The following XKR9 variants were observed in gnomAD, a reference collection of about 807,000 sequenced individuals.
The protein encoded by XKR9 is XK-related protein 9.
In XKR9, 32 loss-of-function variants were observed where a neutral mutation model predicts 32.0. The observed-to-expected ratio is 1.00, with a 90% CI of 0.76 to 1.34. XKR9 has a LOEUF of 1.34. Ranked by LOEUF, XKR9 falls within the 40% of genes most tolerant of loss-of-function variation. XKR9 has a pLI of 0.00. For synonymous variants in XKR9, 168 were observed against 143.4 expected, an observed-to-expected ratio of 1.17 and a Z score of -1.22; for missense variants, 546 against 429.7, an observed-to-expected ratio of 1.27 and a Z score of -2.39.
chr8:70,856,831 G>A, the XKR9 span, among the ~76,000 whole-genome samples: 66 of 152,202 alleles, frequency 4.3e-4, 1 homozygote, highest in South Asian at 9.3e-3. Context: ...ACTCAAAGCC[G>A]CTCAACTACA....
At position 70,733,819 on chromosome 8, in the gene XKR9, TG is replaced by T. The variant is rs751768076; in HGVS notation, c.518del (p.Cys173LeufsTer12). 6.3e-7 allele frequency: 1 copy of T among 1,583,876 alleles called. No homozygotes were observed. Among genetic ancestry groups the T allele is most frequent in the East Asian group, 2.2e-5 (1 of 44,622 alleles). On this transcript the variant is annotated frameshift_variant, in exon 5 of 5. Coordinates refer to ENST00000408926, the MANE Select transcript of XKR9 (RefSeq NM_001011720.2). LOFTEE classifies it high-confidence loss of function. ...AGATGCGGCCATCATGGTCTCTTGC[TG>T]TGCTATTTCTTGGTCAACTGTTGAT... ...SQYAAIMVSC[C>X]AISWSTVDYQ...
downstream of XKR9, among the ~76,000 whole-genome samples, chr8:70,793,827 G>A (rs1807795432): frequency 6.6e-6 from 1 of 151,192 alleles, no homozygotes; most frequent in African/African-American, 2.4e-5. Context: ...AGATTTCTTT[G>A]CCTGTTTTGG....
intron 2 of XKR9, among the ~76,000 whole-genome samples, chr8:70,764,754 C>T (rs1020127489): frequency 2.6e-5 from 4 of 152,034 alleles, no homozygotes; most frequent in African/African-American, 9.7e-5. Context: ...CTCCCACCCC[C>T]TGACAGGCCC....
chr8:70,844,117 G>A, the XKR9 span, among the ~76,000 whole-genome samples: 2 of 152,186 alleles, frequency 1.3e-5, no homozygotes, highest in Non-Finnish European at 2.9e-5. Flanking sequence ...GCTCTCTGTA[G>A]AGTCTGAGAA....
At chr8:70,726,277 A>G (rs766348069) in intron 4 of XKR9, among the ~76,000 whole-genome samples, 1 of 152,206 alleles carries the variant, frequency 6.6e-6, no homozygotes, top group African/African-American at 2.4e-5. Context: ...AATGGATGAA[A>G]CAATGTTGAA....
chr8:70,962,816 C>A, the XKR9 span, among the ~76,000 whole-genome samples: 2 of 152,182 alleles, frequency 1.3e-5, no homozygotes, highest in African/African-American at 4.8e-5. Context: ...TCTTTCTTGT[C>A]TTCTCTTTCT....
chr8:70,790,496 G>A (rs184731851), downstream of XKR9: 15 of 152,070 alleles, frequency 9.9e-5, no homozygotes, highest in African/African-American at 2.9e-4. Context: ...CTTTAGTTCC[G>A]TAAATGTCTG....
chr8:71,009,463 C>A, the XKR9 span, among the ~76,000 whole-genome samples: 1 of 152,116 alleles, frequency 6.6e-6, no homozygotes, highest in Non-Finnish European at 1.5e-5. Flanking sequence ...AGTGAAGAGA[C>A]CATGTTTGAA....
chr8:70,791,312 TAA>T (rs879762952), downstream of XKR9, among the ~76,000 whole-genome samples: 4 of 142,858 alleles, frequency 2.8e-5, no homozygotes, highest in African/African-American at 7.7e-5. Flanking sequence ...TCATCTCACT[TAA>T]AAAAAAAAAA....
At chr8:70,808,096 A>C in the XKR9 span, among the ~76,000 whole-genome samples, 6 of 152,360 alleles carry the variant, frequency 3.9e-5, no homozygotes, top group East Asian at 1.2e-3. Flanking sequence ...TCAAATTAGA[A>C]CTCAGCATTA....
At chr8:70,862,021 T>C in the XKR9 span, among the ~76,000 whole-genome samples, 1 of 152,168 alleles carries the variant, frequency 6.6e-6, no homozygotes, top group Non-Finnish European at 1.5e-5. Flanking sequence ...CTTTTTCCTT[T>C]TGCCTTTGTC....
chr8:70,866,978 T>G, the XKR9 span, among the ~76,000 whole-genome samples: 1 of 152,154 alleles, frequency 6.6e-6, no homozygotes, highest in Non-Finnish European at 1.5e-5. Context: ...TTTTCCTAGG[T>G]TGGCAAGCAG....
the XKR9 span, among the ~76,000 whole-genome samples, chr8:70,902,213 G>T: frequency 1.3e-4 from 20 of 152,128 alleles, no homozygotes; most frequent in African/African-American, 4.8e-4. Context: ...TCTTGATGGG[G>T]ATGGCATTGA....
At chr8:71,024,029 G>A in the XKR9 span, among the ~76,000 whole-genome samples, 2 of 152,124 alleles carry the variant, frequency 1.3e-5, no homozygotes, top group Admixed American at 6.5e-5. Flanking sequence ...TGGCATGCTT[G>A]GGCACTTGGG....
At chr8:70,766,152 G>A (rs1055752077) in intron 2 of XKR9, among the ~76,000 whole-genome samples, 1 of 152,086 alleles carries the variant, frequency 6.6e-6, no homozygotes, top group East Asian at 1.9e-4. Flanking sequence ...AAATTCAGTG[G>A]TAGCTTGATG....
the XKR9 span, among the ~76,000 whole-genome samples, chr8:70,869,630 C>T: frequency 3.9e-5 from 6 of 152,324 alleles, no homozygotes; most frequent in South Asian, 6.2e-4. Context: ...TCCACTGTAT[C>T]TCACTGTCTC....
At chr8:70,973,915 G>A in the XKR9 span, among the ~76,000 whole-genome samples, 3 of 152,128 alleles carry the variant, frequency 2.0e-5, no homozygotes, top group African/African-American at 7.2e-5. Flanking sequence ...TCCATGTGCT[G>A]ATGAATAGAA....
At chr8:70,874,245 G>C in the XKR9 span, among the ~76,000 whole-genome samples, 1 of 152,070 alleles carries the variant, frequency 6.6e-6, no homozygotes, top group Non-Finnish European at 1.5e-5. Flanking sequence ...TATCTCTAAA[G>C]TATGCCTATA....
the XKR9 span, among the ~76,000 whole-genome samples, chr8:70,877,537 T>C: frequency 1.3e-5 from 2 of 152,088 alleles, no homozygotes; most frequent in African/African-American, 4.8e-5. Flanking sequence ...TCCAAAGTCT[T>C]AAAAAGTTTG....
Sources: gnomAD v4.1 joint callset for allele counts (sites outside exome capture counted in the v4.1 genomes callset) on GRCh38, gnomAD v4.1.1 for gene constraint, MANE v1.5 for transcripts, NCBI Gene and HGNC (gene_info 2026-07-23, HGNC 2026-07-21) for gene names.